Variants in SDK1 observed in about 807,000 individuals in gnomAD.
The protein encoded by SDK1 is sidekick cell adhesion molecule 1.
In SDK1, 157 loss-of-function variants were observed where a neutral mutation model predicts 245.5. That is an observed-to-expected ratio of 0.64 (90% CI 0.56 to 0.73). SDK1 has a LOEUF of 0.73. SDK1 is among the 30% of genes least tolerant of loss of function. The pLI is 0.00. For missense variants in SDK1, 3,583 were observed against 3,002.3 expected, an observed-to-expected ratio of 1.19 and a Z score of -4.52; for synonymous variants, 1,647 against 1,278.5, an observed-to-expected ratio of 1.29 and a Z score of -6.15.
chr7:3,562,510 C>G lies in SDK1; in HGVS notation c.299-56570C>G, dbSNP rs545183127. 1.4e-3 allele frequency among the ~76,000 whole-genome samples: 218 copies of G among 152,200 alleles called. 4 individuals carry two copies. Among genetic ancestry groups the G allele is most frequent in the African/African-American group, 5.1e-3 (211 of 41,528 alleles). On this transcript the variant is annotated intron_variant, in intron 1 of 44. Coordinates refer to ENST00000404826, the MANE Select transcript of SDK1 (RefSeq NM_152744.4). ...ACTAACAACAAAAATGCTAGGAACC[C>G]CTTGGGAGACTGAAGTGGGCTTTAG...
At chr7:4,221,207 G>A in intron 39 of SDK1, 32 bp from the exon 40 acceptor site, 2 of 1,610,422 alleles carry the variant, frequency 1.2e-6, no homozygotes, top group Non-Finnish European at 1.7e-6. Flanking sequence ...CAGGGCTGAT[G>A]CCTCACCTCT....
chr7:3,965,178 A>G (rs1781995146), intron 9 of SDK1, among the ~76,000 whole-genome samples: 1 of 152,174 alleles, frequency 6.6e-6, no homozygotes, highest in Non-Finnish European at 1.5e-5. Flanking sequence ...GTGTTCCAAT[A>G]AAACTTTATT....
At chr7:4,145,591 C>A (rs1779910409) in intron 28 of SDK1, 131 bp from the exon 29 acceptor site, 3 of 772,520 alleles carry the variant, frequency 3.9e-6, no homozygotes, top group East Asian at 2.8e-5. Flanking sequence ...TTTCAGTGCA[C>A]AGGCAGTGAC....
chr7:4,250,060 C>T (rs549192503), intron 44 of SDK1, among the ~76,000 whole-genome samples: 34 of 152,188 alleles, frequency 2.2e-4, no homozygotes, highest in Non-Finnish European at 3.7e-4. Flanking sequence ...CACCTGCAGC[C>T]AACCCCAGCT....
intron 1 of SDK1, among the ~76,000 whole-genome samples, chr7:3,606,861 A>G (rs1325809438): frequency 6.6e-6 from 1 of 152,182 alleles, no homozygotes; most frequent in Non-Finnish European, 1.5e-5. Context: ...AAAATCTGTG[A>G]AATCATAAAC....
intron 2 of SDK1, among the ~76,000 whole-genome samples, chr7:3,621,760 GAC>G (rs1217910831): frequency 6.6e-6 from 1 of 152,192 alleles, no homozygotes; most frequent in Non-Finnish European, 1.5e-5. Context: ...GCAAGAGTAA[GAC>G]AGAGTAATAT....
At chr7:4,167,927 G>C (rs1781593781) in intron 32 of SDK1, among the ~76,000 whole-genome samples, 1 of 152,230 alleles carries the variant, frequency 6.6e-6, no homozygotes, top group Non-Finnish European at 1.5e-5. Context: ...CAAATCTAGA[G>C]CCTGACCTTG....
intron 1 of SDK1, among the ~76,000 whole-genome samples, chr7:3,373,819 G>A (rs906513503): frequency 6.6e-6 from 1 of 152,082 alleles, no homozygotes; most frequent in Non-Finnish European, 1.5e-5. Flanking sequence ...AACTTCAGTA[G>A]CTTTTGTATA....
At chr7:3,716,764 A>G (rs561785818) in intron 4 of SDK1, among the ~76,000 whole-genome samples, 207 of 151,150 alleles carry the variant, frequency 1.4e-3, no homozygotes, top group African/African-American at 4.8e-3. Context: ...GTCTCACCAA[A>G]AAAAAAGAAA....
rs531794371 is a variant in SDK1 at position 3,364,791 on chromosome 7, A to G, written c.298+62907A>G. ...TGTCTTTTCAGATAAATTTTAGCAT[A>G]CACTTTTCTGTATCTAGAAAAAAAT... is the stretch of plus-strand genomic sequence containing the variant. On this transcript the variant is annotated intron_variant, in intron 1 of 44. Transcript: ENST00000404826. Among the ~76,000 whole-genome samples the G allele has an allele frequency of 2.6e-5, 4 of 152,262 alleles. No homozygotes were observed. The East Asian group carries it at 7.7e-4, about 29-fold the overall frequency.
intron 17 of SDK1, among the ~76,000 whole-genome samples, chr7:4,044,977 T>A (rs748537449): frequency 6.6e-6 from 1 of 152,190 alleles, no homozygotes; most frequent in African/African-American, 2.4e-5. Context: ...TTTTTTCTTC[T>A]TATATCTTTG....
chr7:4,017,070 T>A, intron 16 of SDK1, 101 bp from the exon 17 acceptor site: 1 of 1,155,316 alleles, frequency 8.7e-7, no homozygotes, highest in Non-Finnish European at 1.2e-6. Flanking sequence ...CTCTTGATTA[T>A]TTACTTCCAT....
At chr7:3,830,217 C>A (rs1197924465) in intron 5 of SDK1, among the ~76,000 whole-genome samples, 1 of 152,050 alleles carries the variant, frequency 6.6e-6, no homozygotes, top group African/African-American at 2.4e-5. Flanking sequence ...CAGAACTGAC[C>A]AGTTGGGTTC....
intron 25 of SDK1, among the ~76,000 whole-genome samples, chr7:4,120,889 T>C (rs919186925): frequency 6.7e-6 from 1 of 150,142 alleles, no homozygotes; most frequent in Non-Finnish European, 1.5e-5. Context: ...GTGCTGGGAT[T>C]ACAGGCATAA....
chr7:4,018,609 T>C (rs970644683), intron 17 of SDK1, among the ~76,000 whole-genome samples: 1 of 152,110 alleles, frequency 6.6e-6, no homozygotes, highest in African/African-American at 2.4e-5. Flanking sequence ...AAAAGACTCA[T>C]ATTGCTATTA....
At chr7:3,488,055 C>T (rs1781755927) in intron 1 of SDK1, among the ~76,000 whole-genome samples, 1 of 152,172 alleles carries the variant, frequency 6.6e-6, no homozygotes, top group Admixed American at 6.5e-5. Context: ...TTCCCCCACA[C>T]CTTTCAAAGA....
intron 4 of SDK1, among the ~76,000 whole-genome samples, chr7:3,647,352 C>G (rs540974675): frequency 9.5e-4 from 145 of 152,138 alleles, no homozygotes; most frequent in Non-Finnish European, 1.8e-3. Flanking sequence ...AGATTAAAAT[C>G]CAGATTCCTT....
intron 4 of SDK1, among the ~76,000 whole-genome samples, chr7:3,734,076 C>G (rs541629662): frequency 6.6e-6 from 1 of 152,324 alleles, no homozygotes; most frequent in South Asian, 2.1e-4. Flanking sequence ...TTTCCTTGCC[C>G]AGGCTCCCCG....
intron 35 of SDK1, among the ~76,000 whole-genome samples, chr7:4,191,470 C>G (rs896234332): frequency 3.9e-5 from 6 of 152,254 alleles, no homozygotes; most frequent in African/African-American, 1.4e-4. Context: ...TCCTGAGTTT[C>G]ACTCCTTAGC....
Sources: gnomAD v4.1 joint callset for allele counts (sites outside exome capture counted in the v4.1 genomes callset) on GRCh38, gnomAD v4.1.1 for gene constraint, MANE v1.5 for transcripts, NCBI Gene and HGNC (gene_info 2026-07-23, HGNC 2026-07-21) for gene names.